Variants in STAT4 observed in about 807,000 individuals in gnomAD.
The protein encoded by STAT4 is signal transducer and activator of transcription 4.
In STAT4, 42 loss-of-function variants were observed where a neutral mutation model predicts 110.5. The observed-to-expected ratio is 0.38, with a 90% CI of 0.30 to 0.49. STAT4 has a LOEUF of 0.49. Ranked by LOEUF, STAT4 falls within the 20% of genes least tolerant of loss-of-function variation. The pLI is 0.95. For missense variants in STAT4, 632 were observed against 887.9 expected (o/e 0.71, Z 3.66); for synonymous variants, 284 against 302.2 (o/e 0.94, Z 0.63).
At position 191,149,083 on chromosome 2, in the gene STAT4, C is replaced by T. The variant is rs939423328; in HGVS notation, c.-1-879G>A. Among the ~76,000 whole-genome samples the T allele has an allele frequency of 3.3e-5, 5 of 152,182 alleles. 1 individual carries two copies. The East Asian group carries it at 5.8e-4, about 18-fold the overall frequency. On this transcript the variant is annotated intron_variant, in intron 1 of 23. Coordinates refer to ENST00000392320, the MANE Select transcript of STAT4 (RefSeq NM_003151.4). ...ACTCAGGAAAATTAGTATGACGCTG[C>T]CTCCTTGAAATTACAGCATTTTATG...
chr2:191,079,483 T>C (rs1267322019), intron 3 of STAT4, among the ~76,000 whole-genome samples: 1 of 152,064 alleles, frequency 6.6e-6, no homozygotes, highest in Non-Finnish European at 1.5e-5. Flanking sequence ...TATAGAAATA[T>C]AATTAATTTT....
intron 18 of STAT4, 120 bp downstream of exon 18, chr2:191,034,422 CAAAAAA>C: frequency 3.9e-6 from 2 of 511,632 alleles, no homozygotes; most frequent in Admixed American, 3.9e-5. Context: ...GACTCTATCT[CAAAAAA>C]AAAAAAAAAA....
rs115808476 is a variant in STAT4, at chr2:191,144,380, G to A, written c.273+2233C>T. Reference sequence around the variant, plus strand: ...CTAGACTGGTGGAAGAGGGATGGAAGAGCATTCCTGGCCATAGGACCGTCA... The same window carrying A: ...CTAGACTGGTGGAAGAGGGATGGAAAAGCATTCCTGGCCATAGGACCGTCA... On this transcript the variant is annotated intron_variant, in intron 3 of 23. Coordinates refer to ENST00000392320, the MANE Select transcript of STAT4 (RefSeq NM_003151.4). The surrounding 1 kb of genome is among the most constrained non-coding windows in gnomAD (Gnocchi z 4.7). 0.023 allele frequency among the ~76,000 whole-genome samples: 3,445 copies of A among 152,206 alleles called. 44 individuals are homozygous for A. The highest frequency in any genetic ancestry group is 0.035 in the Non-Finnish European group (2,379 of 68,004).
chr2:191,106,378 G>A (rs1698280899), intron 3 of STAT4, among the ~76,000 whole-genome samples: 1 of 151,846 alleles, frequency 6.6e-6, no homozygotes, highest in Non-Finnish European at 1.5e-5. Flanking sequence ...AAAAAAATTA[G>A]GCTGGGCACG....
rs1696810163 is a variant in STAT4, at chr2:191,060,194, C to T, written c.1035-1425G>A. Among the ~76,000 whole-genome samples the T allele has an allele frequency of 6.6e-6, 1 of 152,090 alleles. No individual in the cohort carries two copies. The highest frequency in any genetic ancestry group is 2.4e-5 in the African/African-American group (1 of 41,402). ...ATGCAAGTGGTGCTGATTCAGAGTG[C>T]CTCTTCCACTTAGAATTTTTTTGCT... On this transcript the variant is annotated intron_variant, in intron 10 of 23. Coordinates refer to ENST00000392320, the MANE Select transcript of STAT4 (RefSeq NM_003151.4). This position sits in a 1 kb window ranked among gnomAD's most constrained non-coding sequence, Gnocchi z 4.5.
intron 3 of STAT4, among the ~76,000 whole-genome samples, chr2:191,132,492 G>C (rs562426284): frequency 1.3e-5 from 2 of 151,796 alleles, no homozygotes; most frequent in African/African-American, 4.9e-5. Flanking sequence ...GAATGGAGAA[G>C]TAATGGTGAA....
At chr2:191,087,850 G>C (rs1478608418) in intron 3 of STAT4, among the ~76,000 whole-genome samples, 1 of 151,888 alleles carries the variant, frequency 6.6e-6, no homozygotes, top group Non-Finnish European at 1.5e-5. Flanking sequence ...TGACTTTCAT[G>C]ATAAAAACTC....
chr2:191,124,435 C>A (rs903605714), intron 3 of STAT4, among the ~76,000 whole-genome samples: 1 of 114,492 alleles, frequency 8.7e-6, no homozygotes, highest in African/African-American at 3.6e-5. Flanking sequence ...AGCCTGGCGA[C>A]AGAGTGAGAC....
At chr2:191,141,385 TATATATATATCATATATATACATATAC>T (rs1699317663) in intron 3 of STAT4, among the ~76,000 whole-genome samples, 1 of 145,266 alleles carries the variant, frequency 6.9e-6, no homozygotes, top group Non-Finnish European at 1.5e-5. Flanking sequence ...TACATACATG[TATATATATATCATATATATACATATAC>T]ATATGTATAT....
intron 3 of STAT4, among the ~76,000 whole-genome samples, chr2:191,133,536 G>A (rs1321914020): frequency 1.3e-5 from 2 of 151,648 alleles, no homozygotes; most frequent in East Asian, 3.9e-4. Context: ...CATGTATAAG[G>A]GGATGTCTGG....
At chr2:191,149,316 C>G (rs1365850325) in intron 1 of STAT4, among the ~76,000 whole-genome samples, 2 of 152,002 alleles carry the variant, frequency 1.3e-5, no homozygotes, top group South Asian at 2.1e-4. Context: ...TTTTGAGCAC[C>G]TTTTCCCTGA....
intron 3 of STAT4, among the ~76,000 whole-genome samples, chr2:191,081,452 C>T (rs1296708434): frequency 6.6e-6 from 1 of 152,178 alleles, no homozygotes; most frequent in African/African-American, 2.4e-5. Flanking sequence ...ATTTACACTC[C>T]CACCAACAGT....
rs1185366090 is a variant in STAT4 at position 191,144,383 on chromosome 2, C to T, written c.273+2230G>A. ...GACTGGTGGAAGAGGGATGGAAGAGCATTCCTGGCCATAGGACCGTCATGG... is the reference window on the plus strand; with the variant it reads ...GACTGGTGGAAGAGGGATGGAAGAGTATTCCTGGCCATAGGACCGTCATGG... On this transcript the variant is annotated intron_variant, in intron 3 of 23. Coordinates refer to ENST00000392320, the MANE Select transcript of STAT4 (RefSeq NM_003151.4). The surrounding 1 kb of genome is among the most constrained non-coding windows in gnomAD (Gnocchi z 4.7). 1.3e-5 allele frequency among the ~76,000 whole-genome samples: 2 copies of T among 152,070 alleles called. No homozygotes were observed. Among genetic ancestry groups the T allele is most frequent in the Non-Finnish European group, 2.9e-5 (2 of 68,006 alleles).
chr2:191,125,934 T>C (rs1698869795), intron 3 of STAT4, among the ~76,000 whole-genome samples: 1 of 152,218 alleles, frequency 6.6e-6, no homozygotes, highest in African/African-American at 2.4e-5. Context: ...CCCTGAGTCA[T>C]GAACTTCTTG....
Position 191,150,632 on chromosome 2 carries a change from A to G in STAT4, c.-2+315T>C, listed in dbSNP as rs1350038154. Among the ~76,000 whole-genome samples the G allele has an allele frequency of 1.3e-5, 2 of 152,198 alleles. No individual in the cohort carries two copies. Among genetic ancestry groups the G allele is most frequent in the Non-Finnish European group, 2.9e-5 (2 of 68,028 alleles). ...CACAGCTCTAGAGAAGCTGGCTAAGAAAGTGAAGAGGGGCTCACTTTCAGC... is the reference window on the plus strand; with the variant it reads ...CACAGCTCTAGAGAAGCTGGCTAAGGAAGTGAAGAGGGGCTCACTTTCAGC... On this transcript the variant is annotated intron_variant, in intron 1 of 23. Coordinates refer to ENST00000392320, the MANE Select transcript of STAT4 (RefSeq NM_003151.4). The surrounding 1 kb of genome is among the most constrained non-coding windows in gnomAD (Gnocchi z 6.4).
chr2:191,134,526 A>G (rs944638626), intron 3 of STAT4, among the ~76,000 whole-genome samples: 3 of 152,182 alleles, frequency 2.0e-5, no homozygotes, highest in Non-Finnish European at 4.4e-5. Context: ...AAAAACTTCA[A>G]CACAGCCTCC....
chr2:191,066,137 A>G lies in STAT4; in HGVS notation c.630+293T>C, dbSNP rs946993094. On this transcript the variant is annotated intron_variant, in intron 7 of 23. Transcript: ENST00000392320. This position sits in a 1 kb window ranked among gnomAD's most constrained non-coding sequence, Gnocchi z 4.3. ...ATTAAGTACAGCAACTGAAACAGCC[A>G]CGTCTGAAATAATGACAAATAAAAA... is the stretch of plus-strand genomic sequence containing the variant. 6.6e-6 allele frequency among the ~76,000 whole-genome samples: 1 copy of G among 152,218 alleles called. No homozygotes were observed. Among genetic ancestry groups the G allele is most frequent in the African/African-American group, 2.4e-5 (1 of 41,456 alleles).
chr2:191,076,019 T>C, intron 4 of STAT4: 1 of 504,308 alleles, frequency 2.0e-6, no homozygotes, highest in Non-Finnish European at 3.6e-6. Context: ...CCAACTAATT[T>C]TTAATTTTTT....
chr2:191,096,300 G>A (rs1697980678), intron 3 of STAT4, among the ~76,000 whole-genome samples: 1 of 152,112 alleles, frequency 6.6e-6, no homozygotes, highest in Non-Finnish European at 1.5e-5. Context: ...ACCAAAGCCT[G>A]GCAGAGACAC....
Sources: gnomAD v4.1 joint callset for allele counts (sites outside exome capture counted in the v4.1 genomes callset) on GRCh38, gnomAD v4.1.1 for gene constraint, Gnocchi (gnomAD v3.1) non-coding constraint, MANE v1.5 for transcripts, NCBI Gene and HGNC (gene_info 2026-07-23, HGNC 2026-07-21) for gene names.